The following NCOR2 variants were observed in gnomAD, a reference collection of about 807,000 sequenced individuals.
NCOR2 encodes the protein CTG repeat protein 26.
Under a neutral mutation model 262.9 loss-of-function variants are expected in NCOR2, and 81 were observed. The ratio of observed to expected loss-of-function variants is 0.31; its 90% confidence interval spans 0.26 to 0.37. The LOEUF (loss-of-function observed/expected upper bound fraction) is 0.37, where lower values mean the gene tolerates loss of function less well. Ranked by LOEUF, NCOR2 falls within the 10% of genes least tolerant of loss-of-function variation. The pLI, the probability that NCOR2 is intolerant of heterozygous loss-of-function variation, is 1.00. For missense variants in NCOR2, 3,385 were observed against 3,621.4 expected, an observed-to-expected ratio of 0.93 and a Z score of 1.68; for synonymous variants, 1,659 against 1,559.3, an observed-to-expected ratio of 1.06 and a Z score of -1.51.
intron 27 of NCOR2, among the ~76,000 whole-genome samples, chr12:124,352,767 C>T (rs1352018513): frequency 6.6e-6 from 1 of 152,236 alleles, no homozygotes; most frequent in Non-Finnish European, 1.5e-5. Flanking sequence ...GGAGAATACA[C>T]TGGACAAACT....
upstream of NCOR2, among the ~76,000 whole-genome samples, chr12:124,500,175 G>A (rs896302695): frequency 7.8e-5 from 11 of 141,838 alleles, no homozygotes; most frequent in East Asian, 6.3e-4. Flanking sequence ...GATACCCAAC[G>A]GGGACACCAA....
chr12:124,507,648 G>C (rs893810341), intron 1 of NCOR2, among the ~76,000 whole-genome samples: 1 of 152,230 alleles, frequency 6.6e-6, no homozygotes, highest in Non-Finnish European at 1.5e-5. Context: ...CTCTCCCCTC[G>C]CCAGCTGCCT....
intron 1 of NCOR2, among the ~76,000 whole-genome samples, chr12:124,555,402 T>C (rs1218380041): frequency 6.6e-6 from 1 of 152,134 alleles, no homozygotes; most frequent in East Asian, 1.9e-4. Context: ...CCCGAGCAAG[T>C]GGCAGGCACG....
chr12:124,499,143 A>T (rs911032062), upstream of NCOR2, among the ~76,000 whole-genome samples: 4 of 152,262 alleles, frequency 2.6e-5, no homozygotes, highest in Non-Finnish European at 5.9e-5. Context: ...TGCCAAAAAA[A>T]ATGATGACAT....
rs1476684393 is a variant in NCOR2, at chr12:124,443,009, C to T, written c.816-5013G>A. Among the ~76,000 whole-genome samples the T allele has an allele frequency of 1.3e-5, 2 of 152,242 alleles. No homozygotes were observed. The highest frequency in any genetic ancestry group is 2.9e-5 in the Non-Finnish European group (2 of 68,046). On this transcript the variant is annotated intron_variant, in intron 7 of 46. Transcript: ENST00000405201. The surrounding 1 kb of genome is among the most constrained non-coding windows in gnomAD (Gnocchi z 4.4). The stretch of plus-strand genomic sequence containing the variant: ...GGCAGCCGCCAGGAGCTGGAACCGG[C>T]AAGGAAGCAGCCTCCCCCAGAGCCT...
intron 5 of NCOR2, among the ~76,000 whole-genome samples, chr12:124,459,703 A>G (rs1412513831): frequency 1.3e-5 from 2 of 152,124 alleles, no homozygotes; most frequent in African/African-American, 4.8e-5. Context: ...CAGAGGAGAT[A>G]CCCTCTAGAA....
intron 7 of NCOR2, among the ~76,000 whole-genome samples, chr12:124,439,320 GAC>G (rs1593546507): frequency 6.1e-5 from 6 of 97,652 alleles, no homozygotes; most frequent in East Asian, 6.7e-4. Context: ...GAGACCCAGA[GAC>G]AGAGGGAGAG....
chr12:124,355,394 A>T, intron 24 of NCOR2, 38 bp downstream of exon 26: 1 of 1,607,858 alleles, frequency 6.2e-7, no homozygotes, highest in Non-Finnish European at 8.5e-7. Context: ...TACAGATAAG[A>T]AGACTAAGCC....
chr12:124,353,199 C>T (rs549646883), intron 27 of NCOR2, among the ~76,000 whole-genome samples: 3 of 152,282 alleles, frequency 2.0e-5, no homozygotes, highest in Admixed American at 1.3e-4. Context: ...AAGGTCCCTA[C>T]GACTTCAGGA....
chr12:124,536,367 T>G (rs2051114306), upstream of NCOR2, among the ~76,000 whole-genome samples: 1 of 152,204 alleles, frequency 6.6e-6, no homozygotes, highest in South Asian at 2.1e-4. Context: ...TGCGAGCCAC[T>G]GTGCCCAGCC....
intron 13 of NCOR2, among the ~76,000 whole-genome samples, chr12:124,411,842 C>T (rs924312962): frequency 3.3e-5 from 5 of 152,320 alleles, no homozygotes; most frequent in South Asian, 2.1e-4. Flanking sequence ...CGCTCACGGC[C>T]GATCTCAGGG....
intron 1 of NCOR2, among the ~76,000 whole-genome samples, chr12:124,530,537 A>G (rs1328206088): frequency 6.6e-6 from 1 of 152,170 alleles, no homozygotes; most frequent in African/African-American, 2.4e-5. Flanking sequence ...GTACCCAGGG[A>G]CTATTTCCTC....
chr12:124,372,323 G>C (rs2039573871), exon 20 of NCOR2: 1 of 1,525,560 alleles, frequency 6.6e-7, no homozygotes, highest in Admixed American at 2.1e-5. Context: ...TCCTCCACTG[G>C]GGGCGCTGCT....
At chr12:124,542,895 T>C (rs1030301893) in intron 1 of NCOR2, 2 of 152,296 alleles carry the variant, frequency 1.3e-5, no homozygotes, top group African/African-American at 4.8e-5. Context: ...AGCCCTTCCA[T>C]TGAGAAGCCG....
chr12:124,330,743 A>T, intron 44 of NCOR2, 102 bp downstream of exon 46: 1 of 1,306,186 alleles, frequency 7.7e-7, no homozygotes, highest in Non-Finnish European at 1.1e-6. Flanking sequence ...GGGTACACCC[A>T]GACTAGCGAA....
chr12:124,336,230 C>T (rs894793964), intron 38 of NCOR2: 6 of 165,194 alleles, frequency 3.6e-5, no homozygotes, highest in Non-Finnish European at 6.5e-5. Context: ...CTCCTTGCAC[C>T]GCCTGCCTCC....
rs958627720 is a variant in NCOR2, at chr12:124,428,086, T to TGTGTGTGTGTGTGTGTGTGC, written c.1150-1287_1150-1286insGCACACACACACACACACAC. ...GTGTGTGTGTGTGTGTGTGTGTGTG[T>TGTGTGTGTGTGTGTGTGTGC]GTACATGCAACAATCAGCCCAGGTG... On this transcript the variant is annotated intron_variant, in intron 10 of 46. Transcript: ENST00000405201. 1.4e-3 allele frequency among the ~76,000 whole-genome samples: 205 copies of TGTGTGTGTGTGTGTGTGTGC among 147,160 alleles called. 5 individuals are homozygous for TGTGTGTGTGTGTGTGTGTGC. The highest frequency in any genetic ancestry group is 3.6e-3 in the Middle Eastern group (1 of 280).
At chr12:124,394,045 C>A (rs1315228865) in intron 16 of NCOR2, among the ~76,000 whole-genome samples, 1 of 152,270 alleles carries the variant, frequency 6.6e-6, no homozygotes, top group Non-Finnish European at 1.5e-5. Flanking sequence ...GGGGCGAAGA[C>A]AGAGGTGGCG....
chr12:124,387,536 G>C (rs926642204), intron 16 of NCOR2, among the ~76,000 whole-genome samples: 1 of 152,212 alleles, frequency 6.6e-6, no homozygotes, highest in Non-Finnish European at 1.5e-5. Context: ...CCTGCCCTCC[G>C]GGTCCTCTGG....
Sources: allele counts gnomAD v4.1 joint callset (sites outside exome capture counted in the v4.1 genomes callset), GRCh38; gene constraint gnomAD v4.1.1; non-coding constraint Gnocchi (gnomAD v3.1); transcripts MANE v1.5; gene names NCBI Gene and HGNC (gene_info 2026-07-23, HGNC 2026-07-21).